BMP6: variants seen among roughly 807,000 people sequenced by gnomAD.
BMP6 encodes VG-1-R.
In BMP6, 17 loss-of-function variants were observed where a neutral mutation model predicts 54.1. The ratio of observed to expected loss-of-function variants is 0.31; its 90% CI spans 0.22 to 0.47. BMP6 has a LOEUF of 0.47. BMP6 is among the 20% of genes least tolerant of loss of function. BMP6 has a pLI of 1.00. For missense variants in BMP6, 720 were observed against 690.4 expected (o/e 1.04, Z -0.48); for synonymous variants, 328 against 291.2 (o/e 1.13, Z -1.28).
chr6:7,799,761 T>C (rs1758242536), intron 1 of BMP6, among the ~76,000 whole-genome samples: 1 of 150,584 alleles, frequency 6.6e-6, no homozygotes, highest in South Asian at 2.1e-4. Flanking sequence ...AAAAAGATAA[T>C]GTCTCTGGTG....
intron 1 of BMP6, among the ~76,000 whole-genome samples, chr6:7,739,604 A>T (rs1762012454): frequency 6.6e-6 from 1 of 152,204 alleles, no homozygotes; most frequent in South Asian, 2.1e-4. Flanking sequence ...GAGAAAACTA[A>T]TATTTAGAGC....
Position 7,727,332 on chromosome 6 carries a change from C to G in BMP6, c.377C>G (p.Pro126Arg). 1.2e-6 allele frequency: 2 copies of G among 1,609,594 alleles called. No homozygotes were observed. Among genetic ancestry groups the G allele is most frequent in the Non-Finnish European group, 1.7e-6 (2 of 1,178,710 alleles). Residue 126 changes from proline (P) to arginine (R), a missense_variant, in exon 1 of 7, where the codon CCC (proline) becomes CGC (arginine). This residue lies in a region of BMP6 where 650 missense variants were observed against 556.3 expected (regional missense o/e 1.17). Transcript: ENST00000283147. ...QQQLPRGEPP[P>R]GRLKSAPLFM... ...CAGCTGCCTCGCGGAGAGCCCCCTC[C>G]CGGGCGACTGAAGTCCGCGCCCCTC...
chr6:7,731,450 GTTTTTCT>G (rs763275226), intron 1 of BMP6, among the ~76,000 whole-genome samples: 14 of 152,232 alleles, frequency 9.2e-5, no homozygotes, highest in Non-Finnish European at 1.5e-4. Context: ...CTTATCACAA[GTTTTTCT>G]TTTTTCTTGT....
intron 1 of BMP6, among the ~76,000 whole-genome samples, chr6:7,741,488 G>A (rs1757253893): frequency 7.9e-6 from 1 of 125,868 alleles, no homozygotes; most frequent in African/African-American, 2.7e-5. Context: ...GTAGAGATGG[G>A]GTCTCATTAT....
At chr6:7,733,190 G>C (rs142448612) in intron 1 of BMP6, among the ~76,000 whole-genome samples, 78 of 152,268 alleles carry the variant, frequency 5.1e-4, no homozygotes, top group African/African-American at 1.8e-3. Flanking sequence ...ACAGGCTCAC[G>C]CCACTGCGTC....
chr6:7,800,997 A>C (rs1758261940), intron 1 of BMP6, among the ~76,000 whole-genome samples: 2 of 151,936 alleles, frequency 1.3e-5, no homozygotes, highest in African/African-American at 4.8e-5. Flanking sequence ...AGCTTGCTGC[A>C]GGTACCTAAG....
rs1554127192 is a variant in BMP6, at chr6:7,881,434, T to TACAGCTTTTTTTGTAAATA, written c.*1092_*1110dup. 1 of 152,652 alleles carries TACAGCTTTTTTTGTAAATA rather than the reference T, an allele frequency of 6.6e-6. No homozygotes were observed. Among genetic ancestry groups the TACAGCTTTTTTTGTAAATA allele is most frequent in the African/African-American group, 2.4e-5 (1 of 41,436 alleles). The allele number at this position is 152,652 out of a possible 1,614,324, so 9.5% of individuals were successfully genotyped here. A position where few individuals can be genotyped will look rare whatever the true frequency, so the allele number is the denominator to read the frequency against. On this transcript the variant is annotated 3_prime_UTR_variant, in exon 7 of 7. Coordinates refer to ENST00000283147, the MANE Select transcript of BMP6 (RefSeq NM_001718.6). ...TTTATAATCTACAACTGTTTGCACT[T>TACAGCTTTTTTTGTAAATA]ACAGCTTTTTTTGTAAATATAAACT...
chr6:7,769,481 C>T (rs1390866866), intron 1 of BMP6, among the ~76,000 whole-genome samples: 2 of 152,154 alleles, frequency 1.3e-5, no homozygotes, highest in East Asian at 1.9e-4. Context: ...GAGTAGGGGT[C>T]GAGTTCTGCA....
chr6:7,800,513 C>T (rs1758253904), intron 1 of BMP6, among the ~76,000 whole-genome samples: 1 of 152,138 alleles, frequency 6.6e-6, no homozygotes, highest in South Asian at 2.1e-4. Flanking sequence ...TCTGTCCCTC[C>T]CCTGCCCATG....
chr6:7,742,757 T>C (rs1244526734), intron 1 of BMP6, among the ~76,000 whole-genome samples: 4 of 152,090 alleles, frequency 2.6e-5, no homozygotes, highest in African/African-American at 4.8e-5. Context: ...TGTGTCCAAA[T>C]AGGTTGGAAA....
At chr6:7,780,480 C>T (rs991378492) in intron 1 of BMP6, among the ~76,000 whole-genome samples, 1 of 151,050 alleles carries the variant, frequency 6.6e-6, no homozygotes, top group Non-Finnish European at 1.5e-5. Context: ...ACCCGGGAGG[C>T]GGAGGTTGTA....
intron 4 of BMP6, among the ~76,000 whole-genome samples, chr6:7,870,784 T>C (rs1015319370): frequency 2.0e-5 from 3 of 152,346 alleles, no homozygotes; most frequent in Non-Finnish European, 4.4e-5. Context: ...TGTGCCATCA[T>C]GCCCCTCTAA....
chr6:7,793,397 A>G (rs1230815856), intron 1 of BMP6, among the ~76,000 whole-genome samples: 1 of 152,228 alleles, frequency 6.6e-6, no homozygotes, highest in Non-Finnish European at 1.5e-5. Context: ...GATGGAGCCC[A>G]CATGATTTTT....
chr6:7,863,231 C>T (rs1759364947), intron 4 of BMP6, among the ~76,000 whole-genome samples: 1 of 152,208 alleles, frequency 6.6e-6, no homozygotes, highest in African/African-American at 2.4e-5. Context: ...ATCTCCTGAC[C>T]TCGTGATCCA....
At position 7,880,861 on chromosome 6, in the gene BMP6, A is replaced by T. The variant is rs1759709245; in HGVS notation, c.*518A>T. 6.4e-6 allele frequency: 1 copy of T among 157,196 alleles called. No individual in the cohort carries two copies. Among genetic ancestry groups the T allele is most frequent in the South Asian group, 1.9e-4 (1 of 5,252 alleles). The allele number at this position is 157,196 out of a possible 1,614,324, so 9.7% of individuals were successfully genotyped here. The stretch of plus-strand genomic sequence containing the variant: ...GTCCACAGGACGCACAGCCCAGGCC[A>T]CAGCCAGGGCTCCACGGGGCGCCCT... On this transcript the variant is annotated 3_prime_UTR_variant, in exon 7 of 7. Coordinates refer to ENST00000283147, the MANE Select transcript of BMP6 (RefSeq NM_001718.6).
At chr6:7,771,106 A>G (rs1757778689) in intron 1 of BMP6, among the ~76,000 whole-genome samples, 1 of 152,180 alleles carries the variant, frequency 6.6e-6, no homozygotes, top group South Asian at 2.1e-4. Flanking sequence ...TTCTGCTCTG[A>G]TTTTTATTTT....
At chr6:7,807,917 T>C (rs1050071203) in intron 1 of BMP6, among the ~76,000 whole-genome samples, 3 of 117,550 alleles carry the variant, frequency 2.6e-5, no homozygotes, top group Non-Finnish European at 5.5e-5. Flanking sequence ...TCTTTACTTT[T>C]TTTTTTTTTT....
chr6:7,825,226 C>T (rs1054709124), intron 1 of BMP6, among the ~76,000 whole-genome samples: 6 of 151,814 alleles, frequency 4.0e-5, no homozygotes, highest in African/African-American at 1.5e-4. Context: ...CTTACGTGAG[C>T]TGTAATCACA....
At chr6:7,853,834 G>C (rs777832050) in intron 2 of BMP6, among the ~76,000 whole-genome samples, 1 of 151,704 alleles carries the variant, frequency 6.6e-6, no homozygotes, top group Non-Finnish European at 1.5e-5. Flanking sequence ...CATGGTTCAG[G>C]TTATGTAACT....
Sources: gnomAD v4.1 joint callset for allele counts (sites outside exome capture counted in the v4.1 genomes callset) on GRCh38, gnomAD v4.1.1 for gene constraint, gnomAD v4.1.1 regional missense constraint, MANE v1.5 for transcripts, NCBI Gene and HGNC (gene_info 2026-07-23, HGNC 2026-07-21) for gene names.